The following PCDH11X variants were observed in gnomAD, a reference collection of about 807,000 sequenced individuals.
PCDH11X encodes the protein protocadherin 11 X-linked.
PCDH11X carries 18 observed loss-of-function variants against 53.3 expected under a neutral mutation model. That is an observed-to-expected ratio of 0.34 (90% CI 0.23 to 0.50). The LOEUF (loss-of-function observed/expected upper bound fraction) is 0.50. Among genes scored for constraint, PCDH11X ranks in the 20% least tolerant of loss-of-function variants. The pLI, the probability that PCDH11X is intolerant of heterozygous loss-of-function variation, is 0.98. For missense variants in PCDH11X, 570 were observed against 1,032.4 expected (o/e 0.55, Z 6.14); for synonymous variants, 279 against 393.3 (o/e 0.71, Z 3.44).
intron 6 of PCDH11X, among the ~76,000 whole-genome samples, chrX:92,024,718 C>CAAAAAAAAAAAAA (rs199917287): frequency 9.1e-5 from 5 of 54,673 alleles, no homozygotes; most frequent in Non-Finnish European, 1.6e-4. Flanking sequence ...CAATCCTAAG[C>CAAAAAAAAAAAAA]AAAAAAAAAA....
At chrX:92,463,488 G>A (rs112140158) in intron 9 of PCDH11X, among the ~76,000 whole-genome samples, 16,340 of 109,974 alleles carry the variant, frequency 0.15, 1,014 homozygotes, top group Non-Finnish European at 0.19. Context: ...TAGTATGTGA[G>A]TTCCTTGGTA....
At chrX:92,592,531 A>G (rs1925138513) in intron 10 of PCDH11X, among the ~76,000 whole-genome samples, 1 of 108,898 alleles carries the variant, frequency 9.2e-6, no homozygotes, top group African/African-American at 3.3e-5. Flanking sequence ...GGAGATCGAG[A>G]CCATCCTGGC....
chrX:91,913,069 G>C (rs781474543), intron 6 of PCDH11X, among the ~76,000 whole-genome samples: 34 of 111,464 alleles, frequency 3.1e-4, no homozygotes, highest in African/African-American at 8.1e-4. Context: ...CTCTAACCTA[G>C]AAAGGCCATC....
chrX:92,031,055 C>T (rs2063041896), intron 6 of PCDH11X, among the ~76,000 whole-genome samples: 2 of 110,980 alleles, frequency 1.8e-5, no homozygotes, highest in Admixed American at 9.6e-5. Context: ...TTTTGAGGAA[C>T]CTCCAAACTT....
chrX:91,944,421 T>C (rs754651980), intron 6 of PCDH11X, among the ~76,000 whole-genome samples: 8 of 105,114 alleles, frequency 7.6e-5, no homozygotes, highest in African/African-American at 2.7e-4. Flanking sequence ...TCTCACACAA[T>C]AGGGATATTC....
At chrX:91,815,114 C>T (rs1281803973) in intron 4 of PCDH11X, among the ~76,000 whole-genome samples, 1 of 110,959 alleles carries the variant, frequency 9.0e-6, no homozygotes, top group Non-Finnish European at 1.9e-5. Flanking sequence ...TAAAGTCACA[C>T]AGCTAGTGAG....
At chrX:91,866,780 G>A (rs1280051773) in intron 5 of PCDH11X, among the ~76,000 whole-genome samples, 1 of 111,054 alleles carries the variant, frequency 9.0e-6, no homozygotes, top group Non-Finnish European at 1.9e-5. Context: ...GTCCTTGTGG[G>A]GAGGATGATC....
At chrX:92,550,998 T>A (rs1386095772) in intron 10 of PCDH11X, among the ~76,000 whole-genome samples, 1 of 111,334 alleles carries the variant, frequency 9.0e-6, no homozygotes, top group Admixed American at 9.6e-5. Flanking sequence ...TGATGGAAAC[T>A]TAGGTTGCTT....
At chrX:92,080,798 T>C (rs182547413) in intron 6 of PCDH11X, among the ~76,000 whole-genome samples, 1 of 111,332 alleles carries the variant, frequency 9.0e-6, no homozygotes, top group African/African-American at 3.3e-5. Flanking sequence ...GTGTAATAAA[T>C]TGTGAAAATA....
chrX:91,825,857 G>C (rs1278865641), intron 4 of PCDH11X, among the ~76,000 whole-genome samples: 5 of 107,738 alleles, frequency 4.6e-5, no homozygotes, highest in Non-Finnish European at 1.9e-5. Context: ...GATCTATACA[G>C]TTGTTTACAT....
At chrX:92,132,822 C>G (rs1214216203) in intron 6 of PCDH11X, among the ~76,000 whole-genome samples, 1 of 106,829 alleles carries the variant, frequency 9.4e-6, no homozygotes, top group African/African-American at 3.4e-5. Context: ...TAATTTTCAG[C>G]ATCATTCACA....
chrX:92,508,339 C>T (rs2074103253), intron 10 of PCDH11X, among the ~76,000 whole-genome samples: 1 of 109,753 alleles, frequency 9.1e-6, no homozygotes, highest in African/African-American at 3.3e-5. Context: ...TTCTTTGCCT[C>T]AGTCTCCCAA....
chrX:91,825,152 G>T (rs926939971), intron 4 of PCDH11X, among the ~76,000 whole-genome samples: 2 of 109,981 alleles, frequency 1.8e-5, no homozygotes, highest in South Asian at 3.7e-4. Flanking sequence ...TGCCCCCAGA[G>T]GTGGAGCCTA....
rs1156667873 is a variant in PCDH11X at position 92,496,572 on chromosome X, A to G, written c.3367+28250A>G. Among the ~76,000 whole-genome samples the G allele has an allele frequency of 4.9e-5, 5 of 101,877 alleles. 1 individual carries two copies. The highest frequency in any genetic ancestry group is 7.6e-5 in the African/African-American group (2 of 26,464). 88.5% of individuals were successfully genotyped at this position (101,877 alleles called of 115,157 possible). Reference sequence around the variant, plus strand: ...TATATCCTTTGACTTTGGGACTACTATTAAATATGCCCACACAGAAAGCAT... The same window carrying G: ...TATATCCTTTGACTTTGGGACTACTGTTAAATATGCCCACACAGAAAGCAT... On this transcript the variant is annotated intron_variant, in intron 10 of 10. Coordinates refer to ENST00000682573, the MANE Select transcript of PCDH11X (RefSeq NM_032968.5).
intron 10 of PCDH11X, among the ~76,000 whole-genome samples, chrX:92,470,711 T>A: frequency 9.0e-6 from 1 of 111,624 alleles, no homozygotes; most frequent in Non-Finnish European, 1.9e-5. Flanking sequence ...AATAATCATA[T>A]GATTTTTGTC....
intron 8 of PCDH11X, among the ~76,000 whole-genome samples, chrX:92,329,906 G>A (rs1321811305): frequency 9.0e-6 from 1 of 111,176 alleles, no homozygotes; most frequent in African/African-American, 3.3e-5. Context: ...ATATCATCTA[G>A]CATGTGTTAG....
At chrX:92,247,939 C>A (rs1569440281) in intron 7 of PCDH11X, among the ~76,000 whole-genome samples, 2 of 111,701 alleles carry the variant, frequency 1.8e-5, no homozygotes, top group East Asian at 2.8e-4. Context: ...AACCTGACAA[C>A]AATTTAGTGA....
intron 6 of PCDH11X, among the ~76,000 whole-genome samples, chrX:92,132,137 T>C (rs766600405): frequency 2.1e-5 from 2 of 95,703 alleles, no homozygotes; most frequent in Admixed American, 1.2e-4. Context: ...AAAAAAAAAT[T>C]AGCTGGGCGT....
chrX:92,036,429 G>C (rs1312636372), intron 6 of PCDH11X, among the ~76,000 whole-genome samples: 1 of 108,601 alleles, frequency 9.2e-6, no homozygotes. Context: ...TTCCTGCACT[G>C]TTCTCATGAT....
Sources: allele counts gnomAD v4.1 joint callset (sites outside exome capture counted in the v4.1 genomes callset), GRCh38; gene constraint gnomAD v4.1.1; transcripts MANE v1.5; gene names NCBI Gene and HGNC (gene_info 2026-07-23, HGNC 2026-07-21).